Variants in NRG3 observed in about 807,000 individuals in gnomAD.
NRG3 encodes the protein neuregulin 3.
Under a neutral mutation model 66.9 loss-of-function variants are expected in NRG3, and 31 were observed. The observed-to-expected ratio is 0.46, with a 90% CI of 0.35 to 0.63. The LOEUF (loss-of-function observed/expected upper bound fraction) is 0.63. Ranked by LOEUF, NRG3 falls within the 20% of genes least tolerant of loss-of-function variation. NRG3 has a pLI of 0.00. For missense variants in NRG3, 910 were observed against 878.9 expected (o/e 1.04, Z -0.45); for synonymous variants, 393 against 359.4 (o/e 1.09, Z -1.06).
At chr10:82,331,525 C>T (rs1240528481) in intron 1 of NRG3, among the ~76,000 whole-genome samples, 1 of 152,172 alleles carries the variant, frequency 6.6e-6, no homozygotes, top group Non-Finnish European at 1.5e-5. Context: ...AAACTGCAAA[C>T]TGTGCTTCCT....
intron 7 of NRG3, among the ~76,000 whole-genome samples, 198 bp downstream of exon 7, chr10:82,974,113 T>C (rs6585084): frequency 0.93 from 141,136 of 152,116 alleles, 65,495 homozygotes; most frequent in Middle Eastern, 0.98. Context: ...CAGCATTGCC[T>C]CTGTAAGAAA....
chr10:82,299,405 A>C (rs2080259675), intron 1 of NRG3, among the ~76,000 whole-genome samples: 1 of 152,134 alleles, frequency 6.6e-6, no homozygotes, highest in Non-Finnish European at 1.5e-5. Context: ...ACAGCTAATA[A>C]ATGGTAAGCC....
At chr10:82,931,437 G>A (rs1847568292) in intron 4 of NRG3, among the ~76,000 whole-genome samples, 1 of 152,098 alleles carries the variant, frequency 6.6e-6, no homozygotes, top group South Asian at 2.1e-4. Flanking sequence ...ATATAACCTT[G>A]GGAAGCTGTC....
intron 1 of NRG3, among the ~76,000 whole-genome samples, chr10:82,083,198 C>A (rs1271203434): frequency 6.6e-6 from 1 of 151,970 alleles, no homozygotes; most frequent in Non-Finnish European, 1.5e-5. Flanking sequence ...GGACACCAGT[C>A]TTTGAAGAGT....
intron 2 of NRG3, among the ~76,000 whole-genome samples, chr10:82,453,696 A>G (rs74807494): frequency 3.2e-4 from 48 of 152,070 alleles, no homozygotes; most frequent in Non-Finnish European, 6.3e-4. Flanking sequence ...AAAAAAAAAA[A>G]ACCTAGTTTG....
chr10:82,454,109 C>T (rs1194480249), intron 2 of NRG3, among the ~76,000 whole-genome samples: 1 of 152,122 alleles, frequency 6.6e-6, no homozygotes, highest in East Asian at 1.9e-4. Context: ...CATATCTGTG[C>T]CCAGATCAAT....
chr10:82,476,013 A>G (rs1412556680), intron 2 of NRG3, among the ~76,000 whole-genome samples: 1 of 152,216 alleles, frequency 6.6e-6, no homozygotes, highest in Non-Finnish European at 1.5e-5. Flanking sequence ...TTGATTTAAA[A>G]AAAGAGCAAA....
At chr10:82,976,087 G>T (rs1310097625) in intron 7 of NRG3, among the ~76,000 whole-genome samples, 1 of 151,720 alleles carries the variant, frequency 6.6e-6, no homozygotes, top group East Asian at 1.9e-4. Flanking sequence ...ATAGAGTCTC[G>T]CTCTGTCACC....
chr10:82,847,522 C>A (rs1319339475), intron 3 of NRG3, among the ~76,000 whole-genome samples: 1 of 152,172 alleles, frequency 6.6e-6, no homozygotes, highest in Non-Finnish European at 1.5e-5. Flanking sequence ...CTGAAAGGTA[C>A]AGTCTGGTAT....
chr10:82,500,847 C>T (rs149358971), intron 2 of NRG3, among the ~76,000 whole-genome samples: 6 of 152,076 alleles, frequency 3.9e-5, no homozygotes, highest in Admixed American at 2.0e-4. Context: ...GTCCTAAACT[C>T]GGGTATCAAC....
intron 2 of NRG3, among the ~76,000 whole-genome samples, chr10:82,653,849 T>G (rs1333967548): frequency 1.3e-5 from 2 of 152,120 alleles, no homozygotes; most frequent in Non-Finnish European, 2.9e-5. Flanking sequence ...TGAGCTACAG[T>G]ACACAATCAC....
intron 1 of NRG3, among the ~76,000 whole-genome samples, chr10:81,912,977 AT>A (rs1266159360): frequency 3.3e-5 from 5 of 152,238 alleles, no homozygotes; most frequent in Non-Finnish European, 5.9e-5. Context: ...CTGGAGTCAA[AT>A]AAATCCATTG....
At chr10:82,075,954 T>TAA (rs35298857) in intron 1 of NRG3, among the ~76,000 whole-genome samples, 5,013 of 147,376 alleles carry the variant, frequency 0.034, 158 homozygotes, top group African/African-American at 0.072. Flanking sequence ...TAAACATAGT[T>TAA]AAAAAAAAAA....
intron 2 of NRG3, among the ~76,000 whole-genome samples, chr10:82,483,501 T>C (rs1385946812): frequency 6.6e-6 from 1 of 152,240 alleles, no homozygotes; most frequent in Non-Finnish European, 1.5e-5. Context: ...GATGACATGA[T>C]GTTGCTGATG....
At chr10:82,981,523 C>T (rs1218354066) in intron 8 of NRG3, among the ~76,000 whole-genome samples, 2 of 152,192 alleles carry the variant, frequency 1.3e-5, no homozygotes, top group African/African-American at 4.8e-5. Flanking sequence ...AATCTGGCCC[C>T]AGCCTGGAGG....
At chr10:82,180,727 C>T (rs1312712661) in intron 1 of NRG3, among the ~76,000 whole-genome samples, 3 of 151,722 alleles carry the variant, frequency 2.0e-5, no homozygotes, top group Non-Finnish European at 4.4e-5. Flanking sequence ...TCTTTTTCTG[C>T]CTTTGGCTTC....
chr10:82,884,434 A>G (rs1467330315), intron 4 of NRG3, among the ~76,000 whole-genome samples: 3 of 152,214 alleles, frequency 2.0e-5, no homozygotes, highest in African/African-American at 7.2e-5. Flanking sequence ...TTGAGCCAAA[A>G]GAAATGTGGA....
chr10:82,011,450 A>G, intron 1 of NRG3, among the ~76,000 whole-genome samples: 1 of 152,068 alleles, frequency 6.6e-6, no homozygotes, highest in South Asian at 2.1e-4. Flanking sequence ...GCCCCTCTCA[A>G]ATCTCATGTC....
At chr10:82,950,120 A>C (rs1849383937) in intron 4 of NRG3, among the ~76,000 whole-genome samples, 1 of 152,146 alleles carries the variant, frequency 6.6e-6, no homozygotes, top group Admixed American at 6.5e-5. Context: ...CTGGGGAAAG[A>C]AGTAGGTGCA....
Sources: allele counts gnomAD v4.1 joint callset (sites outside exome capture counted in the v4.1 genomes callset), GRCh38; gene constraint gnomAD v4.1.1; transcripts MANE v1.5; gene names NCBI Gene and HGNC (gene_info 2026-07-23, HGNC 2026-07-21).